Variants in GDAP1 observed in about 807,000 individuals in gnomAD.
GDAP1 encodes ganglioside-induced differentiation-associated protein 1.
Under a neutral mutation model 40.1 loss-of-function variants are expected in GDAP1, and 34 were observed. The observed-to-expected ratio is 0.85, with a 90% confidence interval of 0.64 to 1.13. The LOEUF is 1.13. Among genes scored for constraint, GDAP1 ranks in the 50% most tolerant of loss-of-function variants. The probability of loss-of-function intolerance (pLI) is 0.00; values close to 1 mark genes in which losing one functional copy is unlikely to be tolerated. For synonymous variants in GDAP1, 170 were observed against 157.4 expected (o/e 1.08, Z -0.60); for missense variants, 374 against 433.7 (o/e 0.86, Z 1.22).
chr8:74,486,645 C>T (rs759628482), intron 2 of GDAP1, among the ~76,000 whole-genome samples: 1 of 152,182 alleles, frequency 6.6e-6, no homozygotes, highest in East Asian at 1.9e-4. Flanking sequence ...AGTGGCTTCA[C>T]TGAGTAGTGA....
At chr8:74,377,739 T>C (rs1480285426) in intron 2 of GDAP1, among the ~76,000 whole-genome samples, 1 of 152,194 alleles carries the variant, frequency 6.6e-6, no homozygotes, top group Non-Finnish European at 1.5e-5. Context: ...AAAAATTCAG[T>C]TAATATATGA....
Position 74,354,089 on chromosome 8 carries a change from G to A in GDAP1, c.310+2623G>A, listed in dbSNP as rs564368926. 7.9e-5 allele frequency among the ~76,000 whole-genome samples: 12 copies of A among 152,168 alleles called. No individual in the cohort carries two copies. In the South Asian group the frequency reaches 1.2e-3, roughly 16 times the overall value. On this transcript the variant is annotated intron_variant, in intron 2 of 5. Coordinates refer to ENST00000220822, the MANE Select transcript of GDAP1 (RefSeq NM_018972.4). ...GCAAATATAGCTAGAAGATTGTAAC[G>A]CACATTTGCAGATGAATAAACTACC...
In GDAP1 at chr8:74,475,277, G is replaced by T. The variant is rs1406097678; in HGVS notation, c.166-13401G>T. Among the ~76,000 whole-genome samples, 5 of 151,584 alleles carry T rather than the reference G, an allele frequency of 3.3e-5. No individual in the cohort carries two copies. The South Asian group carries it at 1.0e-3, about 32-fold the overall frequency. On this transcript the variant is annotated intron_variant, in intron 2 of 2. Transcript: ENST00000523640. ...TTTGAATGGATTTTTTTGTGTCTCA[G>T]TGTCCTTTGGTTAAGCTCTGATTTT...
chr8:74,418,154 G>A (rs1053317381), intron 2 of GDAP1, among the ~76,000 whole-genome samples: 10 of 152,078 alleles, frequency 6.6e-5, no homozygotes, highest in African/African-American at 1.7e-4. Flanking sequence ...TCAAAATCCC[G>A]GCAGATGTTT....
intron 2 of GDAP1, among the ~76,000 whole-genome samples, chr8:74,460,283 G>T (rs1216005097): frequency 1.3e-5 from 2 of 152,202 alleles, no homozygotes; most frequent in African/African-American, 2.4e-5. Context: ...TGATAAAGGA[G>T]AAATTTATTT....
chr8:74,358,086 G>T (rs1809189131), intron 2 of GDAP1, among the ~76,000 whole-genome samples: 1 of 152,220 alleles, frequency 6.6e-6, no homozygotes, highest in South Asian at 2.1e-4. Context: ...CTTGGGTTCA[G>T]TGGGTATCTC....
At chr8:74,470,428 G>A (rs530355310) in intron 2 of GDAP1, among the ~76,000 whole-genome samples, 38 of 151,558 alleles carry the variant, frequency 2.5e-4, no homozygotes, top group African/African-American at 8.2e-4. Context: ...AACAGGCCCC[G>A]GTGTGTGATG....
intron 2 of GDAP1, among the ~76,000 whole-genome samples, chr8:74,465,128 G>A (rs1806452429): frequency 6.6e-6 from 1 of 152,052 alleles, no homozygotes; most frequent in South Asian, 2.1e-4. Flanking sequence ...GCTGAGGCAG[G>A]AGAATTGCTT....
chr8:74,400,268 C>T (rs1019954166), intron 2 of GDAP1, among the ~76,000 whole-genome samples: 1 of 149,934 alleles, frequency 6.7e-6, no homozygotes, highest in Non-Finnish European at 1.5e-5. Context: ...GGATAGTTAG[C>T]TCTTCTTGTT....
At chr8:74,389,961 CTT>C (rs1357830232) in intron 2 of GDAP1, among the ~76,000 whole-genome samples, 1 of 152,120 alleles carries the variant, frequency 6.6e-6, no homozygotes, top group Admixed American at 6.6e-5. Flanking sequence ...TCTCCGATGT[CTT>C]TTCTTCCGCT....
At chr8:74,487,445 A>C (rs544216463) in intron 2 of GDAP1, among the ~76,000 whole-genome samples, 1 of 152,288 alleles carries the variant, frequency 6.6e-6, no homozygotes, top group South Asian at 2.1e-4. Context: ...TCTTTGTCCA[A>C]GCTGGCAAAT....
At chr8:74,378,724 A>T (rs1287837068) in intron 2 of GDAP1, among the ~76,000 whole-genome samples, 4 of 152,170 alleles carry the variant, frequency 2.6e-5, no homozygotes, top group Non-Finnish European at 4.4e-5. Context: ...AAGTATACAA[A>T]TGGGAGCCCT....
intron 2 of GDAP1, among the ~76,000 whole-genome samples, chr8:74,398,328 C>G (rs534482105): frequency 4.6e-5 from 7 of 152,238 alleles, no homozygotes; most frequent in African/African-American, 1.7e-4. Flanking sequence ...GTAGATCTTC[C>G]TCCATCCTTT....
At chr8:74,460,046 T>A (rs1806381975) in intron 2 of GDAP1, among the ~76,000 whole-genome samples, 1 of 152,190 alleles carries the variant, frequency 6.6e-6, no homozygotes. Flanking sequence ...CAACATCTAG[T>A]CTTTAATAAG....
At position 74,400,379 on chromosome 8, in the gene GDAP1, C is replaced by CT. The variant is rs1192091682; in HGVS notation, c.165+49067dup. On this transcript the variant is annotated intron_variant, in intron 2 of 2. Coordinates refer to the GDAP1 transcript ENST00000523640. The stretch of plus-strand genomic sequence containing the variant: ...CTGAGACTAGGATTGCAACCCCTGC[C>CT]TTTTTTTTTGTTTTCCGTTTGCTTG... Among the ~76,000 whole-genome samples, 16 of 148,576 alleles carry CT rather than the reference C, an allele frequency of 1.1e-4. No homozygotes were observed. The South Asian group carries it at 2.1e-3, about 19-fold the overall frequency.
At chr8:74,466,199 A>G (rs986651693) in intron 2 of GDAP1, among the ~76,000 whole-genome samples, 1 of 152,236 alleles carries the variant, frequency 6.6e-6, no homozygotes, top group Non-Finnish European at 1.5e-5. Context: ...CTCACCTTGT[A>G]TCCAAAGGAT....
chr8:74,385,553 C>T (rs1025507515), intron 2 of GDAP1, among the ~76,000 whole-genome samples: 3 of 152,096 alleles, frequency 2.0e-5, no homozygotes, highest in Admixed American at 6.6e-5. Context: ...GTATATGTGC[C>T]ACATTTTCTT....
chr8:74,477,378 G>C (rs1437675893), intron 2 of GDAP1, among the ~76,000 whole-genome samples: 6 of 152,128 alleles, frequency 3.9e-5, no homozygotes, highest in Non-Finnish European at 8.8e-5. Context: ...CTGGTTTTTT[G>C]AGTTGTCAGA....
intron 2 of GDAP1, among the ~76,000 whole-genome samples, chr8:74,400,842 G>C (rs1248052068): frequency 6.0e-5 from 9 of 149,192 alleles, no homozygotes; most frequent in Non-Finnish European, 1.0e-4. Flanking sequence ...GAAATTCTGG[G>C]TTGAAAATTC....
Sources: gnomAD v4.1 joint callset for allele counts (sites outside exome capture counted in the v4.1 genomes callset) on GRCh38, gnomAD v4.1.1 for gene constraint, MANE v1.5 for transcripts, NCBI Gene and HGNC (gene_info 2026-07-23, HGNC 2026-07-21) for gene names.